Variants in NEK7 observed in about 807,000 individuals in gnomAD.
NEK7 encodes serine/threonine-protein kinase Nek7.
In NEK7, 18 loss-of-function variants were observed where a neutral mutation model predicts 44.6. That is an observed-to-expected ratio of 0.40 (90% confidence interval 0.28 to 0.60). The LOEUF (loss-of-function observed/expected upper bound fraction) is 0.60. NEK7 is among the 20% of genes least tolerant of loss of function. The pLI is 0.38. For missense variants in NEK7, 256 were observed against 366.5 expected, an observed-to-expected ratio of 0.70 and a Z score of 2.46; for synonymous variants, 130 against 121.1, an observed-to-expected ratio of 1.07 and a Z score of -0.48.
chr1:198,160,462 C>T (rs1432314920), intron 1 of NEK7, among the ~76,000 whole-genome samples: 3 of 152,016 alleles, frequency 2.0e-5, no homozygotes, highest in Non-Finnish European at 2.9e-5. Context: ...TTTACCCCTT[C>T]GAATTTTTGT....
At chr1:198,230,311 C>A (rs1381862352) in intron 1 of NEK7, among the ~76,000 whole-genome samples, 1 of 152,078 alleles carries the variant, frequency 6.6e-6, no homozygotes, top group Non-Finnish European at 1.5e-5. Flanking sequence ...GAATCCAATA[C>A]TGCATAAACA....
intron 1 of NEK7, among the ~76,000 whole-genome samples, chr1:198,213,167 A>G (rs1201872466): frequency 6.6e-6 from 1 of 152,236 alleles, no homozygotes; most frequent in African/African-American, 2.4e-5. Flanking sequence ...ACCGAGAGTC[A>G]TAGAAGGATT....
At chr1:198,180,943 T>A (rs986371976) in intron 1 of NEK7, among the ~76,000 whole-genome samples, 3 of 152,198 alleles carry the variant, frequency 2.0e-5, no homozygotes, top group South Asian at 4.1e-4. Context: ...TATGATTGAC[T>A]TATTTTCTAG....
At chr1:198,256,647 A>G (rs1030649017) in intron 3 of NEK7, 6 of 831,644 alleles carry the variant, frequency 7.2e-6, no homozygotes, top group Non-Finnish European at 1.1e-5. Flanking sequence ...GTCAGTGTCT[A>G]AGGCTTTAGG....
chr1:198,295,001 A>G (rs1198655672), intron 8 of NEK7, among the ~76,000 whole-genome samples: 1 of 152,130 alleles, frequency 6.6e-6, no homozygotes, highest in Non-Finnish European at 1.5e-5. Flanking sequence ...CTAAAAAATT[A>G]CTATTAACAA....
intron 3 of NEK7, among the ~76,000 whole-genome samples, chr1:198,254,637 A>G (rs1175328432): frequency 6.6e-6 from 1 of 152,104 alleles, no homozygotes; most frequent in Non-Finnish European, 1.5e-5. Context: ...TGATATTCTC[A>G]TGTCTTTCCT....
chr1:198,269,507 C>A (rs1024432435), intron 5 of NEK7, among the ~76,000 whole-genome samples: 1 of 152,046 alleles, frequency 6.6e-6, no homozygotes, highest in Admixed American at 6.6e-5. Context: ...AGAACAATGC[C>A]TTAAAGCTTT....
intron 7 of NEK7, among the ~76,000 whole-genome samples, chr1:198,282,300 G>A (rs1654226784): frequency 6.6e-6 from 1 of 151,986 alleles, no homozygotes; most frequent in Non-Finnish European, 1.5e-5. Flanking sequence ...GTTCCTTGTT[G>A]CCTGAAGAAT....
At chr1:198,289,846 A>T (rs1485404254) in intron 7 of NEK7, among the ~76,000 whole-genome samples, 1 of 152,180 alleles carries the variant, frequency 6.6e-6, no homozygotes, top group African/African-American at 2.4e-5. Flanking sequence ...TTTATTCAGG[A>T]TAAAGATTAG....
chr1:198,292,919 A>G (rs751996922), intron 7 of NEK7, 26 bp from the exon 8 acceptor site: 2 of 1,207,152 alleles, frequency 1.7e-6, no homozygotes, highest in African/African-American at 3.0e-5. Flanking sequence ...TATACCTCTT[A>G]CTTTATTTGG....
chr1:198,178,333 G>GT (rs1266857062), intron 1 of NEK7, among the ~76,000 whole-genome samples: 1 of 151,958 alleles, frequency 6.6e-6, no homozygotes, highest in Non-Finnish European at 1.5e-5. Flanking sequence ...TGTTTTTAAC[G>GT]TTTTTTACTT....
rs757648827 is a variant in NEK7 at position 198,322,385 on chromosome 1, A to C, written c.*2863A>C. On this transcript the variant is annotated 3_prime_UTR_variant, in exon 10 of 10. Coordinates refer to ENST00000367385, the MANE Select transcript of NEK7 (RefSeq NM_133494.3). ...GAAAATTGTATAATATCCTAATATAAACAAAAATATAAAAATAAAAATGAA... is the reference window on the plus strand; with the variant it reads ...GAAAATTGTATAATATCCTAATATACACAAAAATATAAAAATAAAAATGAA... 1.2e-4 allele frequency: 19 copies of C among 152,158 alleles called. No individual in the cohort carries two copies. The highest frequency in any genetic ancestry group is 2.5e-4 in the Non-Finnish European group (17 of 67,998). The allele number at this position is 152,158 out of a possible 1,614,324, so 9.4% of individuals were successfully genotyped here.
intron 2 of NEK7, among the ~76,000 whole-genome samples, chr1:198,250,170 G>A (rs1460339266): frequency 4.0e-5 from 6 of 150,076 alleles, no homozygotes; most frequent in Non-Finnish European, 8.9e-5. Flanking sequence ...TCTCAGGTTT[G>A]TCAAAGATCA....
At chr1:198,280,898 A>G (rs886395863) in intron 7 of NEK7, among the ~76,000 whole-genome samples, 3 of 151,636 alleles carry the variant, frequency 2.0e-5, no homozygotes, top group East Asian at 1.9e-4. Context: ...TTCTTAACAG[A>G]TGAATCATAG....
At position 198,231,291 on chromosome 1, in the gene NEK7, A is replaced by ATG. The variant is rs33916230; in HGVS notation, c.-28-1252_-28-1251dup. On this transcript the variant is annotated intron_variant, in intron 1 of 9. Transcript: ENST00000367385. The stretch of plus-strand genomic sequence containing the variant: ...TATATGTGTGTGTGTATATACGTGT[A>ATG]TGTGTGTGTGTATATATATATATAT... Among the ~76,000 whole-genome samples the ATG allele has an allele frequency of 4.0e-4, 44 of 109,822 alleles. 1 individual carries two copies. Among genetic ancestry groups the ATG allele is most frequent in the Non-Finnish European group, 6.2e-4 (34 of 55,094 alleles). 72.0% of individuals were successfully genotyped at this position (109,822 alleles called of 152,430 possible).
rs1655532052 is a variant in NEK7 at position 198,321,429 on chromosome 1, TTAATG to T, written c.*1912_*1916del. ...ATTGACCATTAATGTCATGTTCATT[TTAATG>T]TAATATAATTGAGATGAAATGTTCT... On this transcript the variant is annotated 3_prime_UTR_variant, in exon 10 of 10. Coordinates refer to ENST00000367385, the MANE Select transcript of NEK7 (RefSeq NM_133494.3). 2 of 152,176 alleles carry T rather than the reference TTAATG, an allele frequency of 1.3e-5. No homozygotes were observed. The highest frequency in any genetic ancestry group is 2.9e-5 in the Non-Finnish European group (2 of 67,990). The allele number at this position is 152,176 out of a possible 1,614,324, so 9.4% of individuals were successfully genotyped here.
chr1:198,313,266 C>G (rs917635676), intron 9 of NEK7, among the ~76,000 whole-genome samples: 4 of 152,076 alleles, frequency 2.6e-5, no homozygotes, highest in East Asian at 1.9e-4. Flanking sequence ...TGCCACCCCT[C>G]CCTTTTTTTG....
chr1:198,256,221 C>A, intron 3 of NEK7: 1 of 1,299,078 alleles, frequency 7.7e-7, no homozygotes, highest in Non-Finnish European at 1.0e-6. Flanking sequence ...ATCCAGAATC[C>A]TCAGCTTAGT....
chr1:198,275,266 T>A (rs1653978865), intron 5 of NEK7, among the ~76,000 whole-genome samples: 1 of 151,316 alleles, frequency 6.6e-6, no homozygotes, highest in East Asian at 1.9e-4. Context: ...GTGTTTATTT[T>A]TGCCTGCCCA....
Sources: gnomAD v4.1 joint callset for allele counts (sites outside exome capture counted in the v4.1 genomes callset) on GRCh38, gnomAD v4.1.1 for gene constraint, MANE v1.5 for transcripts, NCBI Gene and HGNC (gene_info 2026-07-23, HGNC 2026-07-21) for gene names.